Variants in CDK6 observed in about 807,000 individuals in gnomAD.
CDK6 encodes the protein cyclin-dependent kinase 6.
Under a neutral mutation model 37.1 loss-of-function variants are expected in CDK6, and 6 were observed. The observed-to-expected ratio is 0.16, with a 90% CI of 0.09 to 0.32. The LOEUF is 0.32. Among genes scored for constraint, CDK6 ranks in the 10% least tolerant of loss-of-function variants. CDK6 has a pLI of 1.00. For synonymous variants in CDK6, 160 were observed against 161.3 expected (o/e 0.99, Z 0.06); for missense variants, 224 against 418.9 (o/e 0.53, Z 4.06).
chr7:92,811,147 C>T (rs1161853378), intron 2 of CDK6, among the ~76,000 whole-genome samples: 1 of 152,026 alleles, frequency 6.6e-6, no homozygotes, highest in Non-Finnish European at 1.5e-5. Context: ...TAATCAGTAC[C>T]CAGCATTTTC....
At chr7:92,651,339 G>A (rs1796569544) in intron 5 of CDK6, among the ~76,000 whole-genome samples, 1 of 152,194 alleles carries the variant, frequency 6.6e-6, no homozygotes, top group Non-Finnish European at 1.5e-5. Context: ...TTAGGGTGTA[G>A]ATATATTAGG....
intron 2 of CDK6, among the ~76,000 whole-genome samples, chr7:92,800,231 C>T (rs749655984): frequency 2.6e-5 from 4 of 152,116 alleles, no homozygotes; most frequent in Non-Finnish European, 4.4e-5. Flanking sequence ...CATTTCAGGC[C>T]GCTTTACCCT....
At chr7:92,668,487 G>C (rs1056269890) in intron 5 of CDK6, among the ~76,000 whole-genome samples, 1 of 152,156 alleles carries the variant, frequency 6.6e-6, no homozygotes, top group African/African-American at 2.4e-5. Flanking sequence ...AACAATGAAG[G>C]TGATAAAGAA....
intron 3 of CDK6, among the ~76,000 whole-genome samples, chr7:92,758,311 A>G (rs1294578021): frequency 6.6e-6 from 1 of 152,156 alleles, no homozygotes; most frequent in Non-Finnish European, 1.5e-5. Context: ...ATTTTTGTAT[A>G]TGATGTAAAG....
chr7:92,778,913 TTATAGTTTATCATATATA>T (rs1220939656), intron 2 of CDK6, among the ~76,000 whole-genome samples: 9 of 116,040 alleles, frequency 7.8e-5, no homozygotes, highest in African/African-American at 3.6e-4. Flanking sequence ...CTTACTGCAT[TTATAGTTTATCATATATA>T]TATATATATA....
In CDK6 at chr7:92,761,637, A is replaced by C. The variant is rs118039920; in HGVS notation, c.369+13059T>G. On this transcript the variant is annotated intron_variant, in intron 3 of 7. Transcript: ENST00000424848. Reference sequence around the variant, plus strand: ...TCCTTAAAAAAACTGTATATTCTAAATGTGGAAGAAAGCTCAATTTATTTT... The same window carrying C: ...TCCTTAAAAAAACTGTATATTCTAACTGTGGAAGAAAGCTCAATTTATTTT... Among the ~76,000 whole-genome samples the C allele has an allele frequency of 2.2e-4, 33 of 152,332 alleles. 1 individual carries two copies. In the East Asian group the frequency reaches 4.0e-3, roughly 19 times the overall value.
intron 3 of CDK6, among the ~76,000 whole-genome samples, chr7:92,763,418 G>A (rs914176321): frequency 1.3e-5 from 2 of 152,182 alleles, no homozygotes; most frequent in African/African-American, 2.4e-5. Context: ...AATCATTAGT[G>A]TATATGAAAC....
intron 6 of CDK6, among the ~76,000 whole-genome samples, chr7:92,619,944 G>C (rs1410617559): frequency 6.6e-6 from 1 of 152,092 alleles, no homozygotes; most frequent in Non-Finnish European, 1.5e-5. Flanking sequence ...TAAGTGTCTG[G>C]ATACAATGGG....
intron 7 of CDK6, 114 bp from the exon 8 acceptor site, chr7:92,615,400 T>G (rs1031109176): frequency 2.5e-6 from 2 of 787,350 alleles, no homozygotes; most frequent in African/African-American, 3.5e-5. Flanking sequence ...ACAGTGGGAA[T>G]GAGTATTTAT....
intron 5 of CDK6, among the ~76,000 whole-genome samples, chr7:92,652,611 A>G (rs1796601482): frequency 6.6e-6 from 1 of 152,168 alleles, no homozygotes; most frequent in Admixed American, 6.5e-5. Flanking sequence ...TTCATAATGA[A>G]ATTATTTGCT....
intron 3 of CDK6, among the ~76,000 whole-genome samples, chr7:92,762,174 A>G (rs1434212319): frequency 6.6e-6 from 1 of 152,242 alleles, no homozygotes; most frequent in Non-Finnish European, 1.5e-5. Flanking sequence ...GACAAGAATT[A>G]GCAATGTAAT....
intron 3 of CDK6, among the ~76,000 whole-genome samples, chr7:92,772,754 T>A (rs1296595259): frequency 6.6e-6 from 1 of 152,028 alleles, no homozygotes; most frequent in Non-Finnish European, 1.5e-5. Flanking sequence ...CCAATTCATT[T>A]CTACTCCTGC....
rs185988911 is a variant in CDK6, at chr7:92,612,378, G to A, written c.*2762C>T. 3.6e-4 allele frequency: 84 copies of A among 233,212 alleles called. No individual in the cohort carries two copies. In the East Asian group the frequency reaches 4.5e-3, roughly 12 times the overall value. The allele number at this position is 233,212 out of a possible 1,614,324, so 14.4% of individuals were successfully genotyped here. Reference sequence around the variant, plus strand: ...GAAACCATATGTTACAGAAGAATAAGCTGTAGTCACTAAGTTCTTACTCTA... The same window carrying A: ...GAAACCATATGTTACAGAAGAATAAACTGTAGTCACTAAGTTCTTACTCTA... On this transcript the variant is annotated 3_prime_UTR_variant, in exon 8 of 8. Transcript: ENST00000424848.
Position 92,725,686 on chromosome 7 carries a change from T to C in CDK6, c.477A>G (p.Ile159Met). The C allele has an allele frequency of 6.2e-7, 1 of 1,614,136 alleles. No individual in the cohort carries two copies. Among genetic ancestry groups the C allele is most frequent in the Non-Finnish European group, 8.5e-7 (1 of 1,179,980 alleles). The change falls in exon 4 of 8, where the codon ATA (isoleucine) becomes ATG (methionine). Residue 159 changes from isoleucine to methionine, a missense_variant. Physicochemically the swap from Ile to Met is conservative, Grantham distance 10. Transcript: ENST00000424848. ...GGGCAAGGCCGAAGTCAGCGAGTTTTATTTGTCCGCTGCTGGTCACCAGAA... is the reference window on the plus strand; with the variant it reads ...GGGCAAGGCCGAAGTCAGCGAGTTTCATTTGTCCGCTGCTGGTCACCAGAA... Reference protein sequence around the residue: ...QNILVTSSGQIKLADFGLARI... With the variant: ...QNILVTSSGQMKLADFGLARI...
intron 4 of CDK6, among the ~76,000 whole-genome samples, chr7:92,684,527 G>A (rs917281679): frequency 3.3e-5 from 5 of 151,856 alleles, no homozygotes; most frequent in East Asian, 1.9e-4. Flanking sequence ...GCCAGAAGTC[G>A]GGCACTGTGT....
chr7:92,798,874 T>C (rs930598125), intron 2 of CDK6, among the ~76,000 whole-genome samples: 1 of 152,184 alleles, frequency 6.6e-6, no homozygotes, highest in Non-Finnish European at 1.5e-5. Context: ...GCTATTGTCT[T>C]CTTCTATATG....
In CDK6 at chr7:92,757,451, A is replaced by G. The variant is rs142792909; in HGVS notation, c.369+17245T>C. On this transcript the variant is annotated intron_variant, in intron 3 of 7. Coordinates refer to ENST00000424848, the MANE Select transcript of CDK6 (RefSeq NM_001145306.2). ...CAGTTTGCTAAGGATAATGGCCTCC[A>G]GTTCTATCCATGTTCCTGCAAAATA... Among the ~76,000 whole-genome samples, 459 of 152,338 alleles carry G rather than the reference A, an allele frequency of 3.0e-3. 7 individuals carry two copies. Among genetic ancestry groups the G allele is most frequent in the African/African-American group, 9.9e-3 (410 of 41,570 alleles).
rs1554401677 is a variant in CDK6 at position 92,672,160 on chromosome 7, T to TAC, written c.538-627_538-626dup. On this transcript the variant is annotated intron_variant, in intron 4 of 7. Transcript: ENST00000424848. ...ATATATATATATATATATATATATATACACATACACACACACACACACAGA... is the reference window on the plus strand; with the variant it reads ...ATATATATATATATATATATATATATACACACATACACACACACACACACAGA... Among the ~76,000 whole-genome samples the TAC allele has an allele frequency of 3.0e-3, 236 of 79,074 alleles. 9 individuals carry two copies. Among genetic ancestry groups the TAC allele is most frequent in the South Asian group, 5.9e-3 (13 of 2,190 alleles). 51.9% of individuals were successfully genotyped at this position (79,074 alleles called of 152,430 possible). A position where few individuals can be genotyped will look rare whatever the true frequency, so the allele number is the denominator to read the frequency against.
chr7:92,607,864 TGCAAA>T lies in CDK6; in HGVS notation c.*7271_*7275del, dbSNP rs1370753745. On this transcript the variant is annotated 3_prime_UTR_variant, in exon 8 of 8. Coordinates refer to ENST00000424848, the MANE Select transcript of CDK6 (RefSeq NM_001145306.2). ...ACTATGATATACATGTGTATATTTT[TGCAAA>T]CACAGGATCAGAATGAAAAGATATA... 1.3e-5 allele frequency: 3 copies of T among 233,332 alleles called. No individual in the cohort carries two copies. The highest frequency in any genetic ancestry group is 6.6e-5 in the African/African-American group (3 of 45,352). 14.5% of individuals were successfully genotyped at this position (233,332 alleles called of 1,614,324 possible).
Sources: allele counts gnomAD v4.1 joint callset (sites outside exome capture counted in the v4.1 genomes callset), GRCh38; gene constraint gnomAD v4.1.1; transcripts MANE v1.5; gene names NCBI Gene and HGNC (gene_info 2026-07-23, HGNC 2026-07-21).